Variants in CLDN10 observed in about 807,000 individuals in gnomAD.
CLDN10 encodes the protein claudin 10.
CLDN10 carries 15 observed loss-of-function variants against 22.9 expected under a neutral mutation model. The observed-to-expected ratio is 0.65, with a 90% CI of 0.44 to 1.01. The LOEUF is 1.01. CLDN10 is among the 50% of genes least tolerant of loss of function. The probability of loss-of-function intolerance (pLI) is 0.00; values close to 1 mark genes in which losing one functional copy is unlikely to be tolerated. For missense variants in CLDN10, 247 were observed against 287.8 expected (o/e 0.86, Z 1.03); for synonymous variants, 114 against 111.4 (o/e 1.02, Z -0.15).
chr13:95,544,007 T>C (rs963454646), intron 1 of CLDN10, among the ~76,000 whole-genome samples: 2 of 152,182 alleles, frequency 1.3e-5, no homozygotes, highest in Non-Finnish European at 2.9e-5. Context: ...AGTCTGTTTT[T>C]GAGAGTTCAT....
upstream of CLDN10, among the ~76,000 whole-genome samples, chr13:95,549,283 A>G (rs1383200961): frequency 6.6e-6 from 1 of 152,260 alleles, no homozygotes; most frequent in Non-Finnish European, 1.5e-5. Flanking sequence ...AATTAAGAAT[A>G]GTCTCTTATG....
Position 95,578,043 on chromosome 13 carries a change from G to GT in CLDN10, c.*32dup. ...AGCTCGCTGGCAAGCTGCCTCTTGA[G>GT]TTTGTTATAAAAGCGAACTGTTCAC... On this transcript the variant is annotated 3_prime_UTR_variant, in exon 5 of 5. Transcript: ENST00000299339. The GT allele has an allele frequency of 2.2e-6, 3 of 1,373,374 alleles. No homozygotes were observed. Among genetic ancestry groups the GT allele is most frequent in the South Asian group, 2.4e-5 (2 of 83,488 alleles). The allele number at this position is 1,373,374 out of a possible 1,614,324, so 85.1% of individuals were successfully genotyped here. A position where few individuals can be genotyped will look rare whatever the true frequency, so the allele number is the denominator to read the frequency against.
chr13:95,548,093 T>C (rs2043528608), upstream of CLDN10, among the ~76,000 whole-genome samples: 1 of 152,206 alleles, frequency 6.6e-6, no homozygotes, highest in South Asian at 2.1e-4. Flanking sequence ...TAAAATCACT[T>C]GCCCAAAACA....
At chr13:95,446,517 A>T (rs910547659) in intron 1 of CLDN10, among the ~76,000 whole-genome samples, 34 of 152,226 alleles carry the variant, frequency 2.2e-4, no homozygotes, top group Middle Eastern at 3.2e-3. Flanking sequence ...ATGACATTCT[A>T]TTTAAACCTA....
chr13:95,465,508 G>A (rs1306222411), intron 1 of CLDN10, among the ~76,000 whole-genome samples: 1 of 152,218 alleles, frequency 6.6e-6, no homozygotes, highest in Non-Finnish European at 1.5e-5. Context: ...AGCCAGGAAA[G>A]TTAAGTTTAA....
At chr13:95,568,008 A>G (rs1365952250) in intron 3 of CLDN10, among the ~76,000 whole-genome samples, 1 of 152,238 alleles carries the variant, frequency 6.6e-6, no homozygotes, top group Non-Finnish European at 1.5e-5. Context: ...TAGACAATGT[A>G]AGAAGTAAAT....
intron 1 of CLDN10, among the ~76,000 whole-genome samples, chr13:95,438,749 C>G (rs1406331632): frequency 6.6e-6 from 1 of 152,144 alleles, no homozygotes; most frequent in African/African-American, 2.4e-5. Context: ...GAGGCCAAGG[C>G]AGGTGGATCA....
chr13:95,490,692 T>A (rs572485344), intron 1 of CLDN10, among the ~76,000 whole-genome samples: 1 of 152,332 alleles, frequency 6.6e-6, no homozygotes, highest in Admixed American at 6.5e-5. Flanking sequence ...TATCACATGG[T>A]CTATCTTGGA....
At chr13:95,542,207 A>G (rs537404911) in intron 1 of CLDN10, among the ~76,000 whole-genome samples, 8 of 152,334 alleles carry the variant, frequency 5.3e-5, no homozygotes, top group Non-Finnish European at 7.3e-5. Flanking sequence ...TTCGTGAGAA[A>G]TCTACCCCCA....
At chr13:95,467,530 G>GT (rs1566285069) in intron 1 of CLDN10, among the ~76,000 whole-genome samples, 2 of 66,654 alleles carry the variant, frequency 3.0e-5, no homozygotes, top group African/African-American at 4.6e-5. Flanking sequence ...TGTTTTTTTT[G>GT]GGGGGGGCAA....
upstream of CLDN10, among the ~76,000 whole-genome samples, chr13:95,550,820 CTTTT>C (rs56225257): frequency 0.02 from 1,729 of 85,554 alleles, 9 homozygotes; most frequent in Non-Finnish European, 0.03. Context: ...TAGGAAGATA[CTTTT>C]TTTTTTTTTT....
At chr13:95,545,573 C>T (rs1164289805) in intron 1 of CLDN10, among the ~76,000 whole-genome samples, 1 of 152,064 alleles carries the variant, frequency 6.6e-6, no homozygotes, top group Non-Finnish European at 1.5e-5. Context: ...ACTTTTGGGT[C>T]CCAGTTTCCT....
chr13:95,577,084 T>C (rs1158948976), intron 3 of CLDN10, 147 bp from the exon 4 acceptor site: 12 of 616,302 alleles, frequency 1.9e-5, no homozygotes, highest in Non-Finnish European at 3.1e-5. Context: ...TACAGCATTT[T>C]ACAGACACAA....
At chr13:95,556,437 A>T (rs1004245682) in intron 1 of CLDN10, among the ~76,000 whole-genome samples, 6 of 152,206 alleles carry the variant, frequency 3.9e-5, no homozygotes, top group Admixed American at 3.9e-4. Flanking sequence ...GGCCTAGCAA[A>T]GCTATATGTC....
At chr13:95,533,657 C>G (rs866435533) in intron 1 of CLDN10, 40 of 152,104 alleles carry the variant, frequency 2.6e-4, no homozygotes, top group African/African-American at 9.7e-4. Flanking sequence ...TCTGCCTACC[C>G]GGTGAGATAC....
intron 1 of CLDN10, among the ~76,000 whole-genome samples, chr13:95,495,252 G>A (rs2042916264): frequency 6.6e-6 from 1 of 151,730 alleles, no homozygotes; most frequent in African/African-American, 2.4e-5. Flanking sequence ...GGCCAGGCTG[G>A]TCTCGAAGTC....
Position 95,463,282 on chromosome 13 carries a change from C to CT in CLDN10, c.214+29237dup, listed in dbSNP as rs1566282850. On this transcript the variant is annotated intron_variant, in intron 1 of 4. Transcript: ENST00000376873. ...TATAGTTGAGTCAAAAGTGCAAATG[C>CT]TTAATATATATATATATATATATAT... 2.3e-3 allele frequency among the ~76,000 whole-genome samples: 70 copies of CT among 30,874 alleles called. 1 individual carries two copies. The highest frequency in any genetic ancestry group is 5.2e-3 in the African/African-American group (51 of 9,734). 20.3% of individuals were successfully genotyped at this position (30,874 alleles called of 152,430 possible). A position where few individuals can be genotyped will look rare whatever the true frequency, so the allele number is the denominator to read the frequency against.
chr13:95,517,278 C>T (rs754874387), intron 1 of CLDN10, among the ~76,000 whole-genome samples: 5 of 152,070 alleles, frequency 3.3e-5, no homozygotes, highest in Admixed American at 2.0e-4. Flanking sequence ...TAGGAGCTGG[C>T]GATACAGACA....
At chr13:95,449,443 G>A (rs1297813101) in intron 1 of CLDN10, among the ~76,000 whole-genome samples, 2 of 151,904 alleles carry the variant, frequency 1.3e-5, no homozygotes, top group South Asian at 2.1e-4. Flanking sequence ...TAGAGATGGG[G>A]TTTCACCATG....
Sources: gnomAD v4.1 joint callset for allele counts (sites outside exome capture counted in the v4.1 genomes callset) on GRCh38, gnomAD v4.1.1 for gene constraint, MANE v1.5 for transcripts, NCBI Gene and HGNC (gene_info 2026-07-23, HGNC 2026-07-21) for gene names.